The following NLGN1 variants were observed in gnomAD, a reference collection of about 807,000 sequenced individuals.
NLGN1 encodes the protein neuroligin-1.
NLGN1 carries 12 observed loss-of-function variants against 65.5 expected under a neutral mutation model. The observed-to-expected ratio is 0.18, with a 90% CI of 0.12 to 0.30. The LOEUF is 0.30. Among genes scored for constraint, NLGN1 ranks in the 10% least tolerant of loss-of-function variants. NLGN1 has a pLI of 1.00. For synonymous variants in NLGN1, 350 were observed against 359.5 expected (o/e 0.97, Z 0.30); for missense variants, 750 against 1,007.1 (o/e 0.74, Z 3.46).
intron 4 of NLGN1, among the ~76,000 whole-genome samples, chr3:174,258,923 G>A (rs1746312927): frequency 6.6e-6 from 1 of 152,004 alleles, no homozygotes; most frequent in African/African-American, 2.4e-5. Context: ...TTGAAGATAT[G>A]GTTGAAGTTT....
At chr3:173,901,160 T>C (rs996256802) in intron 4 of NLGN1, among the ~76,000 whole-genome samples, 3 of 151,976 alleles carry the variant, frequency 2.0e-5, no homozygotes, top group African/African-American at 7.2e-5. Flanking sequence ...AAAAATCCCT[T>C]TACTAGTGTT....
chr3:173,761,428 AG>A (rs1777951769), intron 3 of NLGN1, among the ~76,000 whole-genome samples: 1 of 152,040 alleles, frequency 6.6e-6, no homozygotes, highest in South Asian at 2.1e-4. Context: ...GATGGGTAAG[AG>A]GTAGGGGAGC....
At chr3:174,061,116 G>A (rs1055052917) in intron 4 of NLGN1, among the ~76,000 whole-genome samples, 1 of 151,910 alleles carries the variant, frequency 6.6e-6, no homozygotes, top group Non-Finnish European at 1.5e-5. Context: ...CTGTGACCTT[G>A]GTGTTGTGTG....
At chr3:173,612,311 G>A (rs528679127) in intron 3 of NLGN1, among the ~76,000 whole-genome samples, 20 of 152,068 alleles carry the variant, frequency 1.3e-4, no homozygotes, top group Non-Finnish European at 2.8e-4. Context: ...AACACTTCTT[G>A]TATAAGTTGC....
At chr3:174,099,439 A>G (rs190202758) in intron 4 of NLGN1, among the ~76,000 whole-genome samples, 14 of 152,280 alleles carry the variant, frequency 9.2e-5, no homozygotes, top group African/African-American at 2.6e-4. Flanking sequence ...TTGATATTGC[A>G]TTTTTAACAA....
intron 4 of NLGN1, among the ~76,000 whole-genome samples, chr3:174,183,192 A>G (rs1393507551): frequency 6.6e-6 from 1 of 152,042 alleles, no homozygotes; most frequent in East Asian, 1.9e-4. Flanking sequence ...CAGTGCATCC[A>G]TTCTTACTGG....
rs528649110 is a variant in NLGN1 at position 174,179,486 on chromosome 3, G to C, written c.647-95829G>C. 2.2e-4 allele frequency among the ~76,000 whole-genome samples: 34 copies of C among 152,066 alleles called. No homozygotes were observed. The East Asian group carries it at 6.0e-3, about 27-fold the overall frequency. ...ACATAGCTGAGGTCAAATATCAAGC[G>C]GATTTTTTTTGTCTCCCAGACTGAG... is the stretch of plus-strand genomic sequence containing the variant. On this transcript the variant is annotated intron_variant, in intron 4 of 6. Coordinates refer to ENST00000457714, the Ensembl canonical transcript of NLGN1.
chr3:173,895,689 C>A lies in NLGN1; in HGVS notation c.646+87857C>A, dbSNP rs551189548. Among the ~76,000 whole-genome samples, 4 of 151,576 alleles carry A rather than the reference C, an allele frequency of 2.6e-5. No individual in the cohort carries two copies. The South Asian group carries it at 8.3e-4, about 32-fold the overall frequency. On this transcript the variant is annotated intron_variant, in intron 4 of 6. Coordinates refer to ENST00000457714, the Ensembl canonical transcript of NLGN1. ...GGAAAACTTGGCAGCTTCCAAGGAC[C>A]CTTTTTTTTTTCTTTTTTGAGACAA...
At chr3:173,698,294 C>T (rs543118286) in intron 3 of NLGN1, among the ~76,000 whole-genome samples, 4 of 152,242 alleles carry the variant, frequency 2.6e-5, no homozygotes, top group African/African-American at 7.2e-5. Flanking sequence ...CATCACGTTG[C>T]AATACTGAAT....
In NLGN1 at chr3:173,913,612, G is replaced by A. The variant is rs116713906; in HGVS notation, c.646+105780G>A. On this transcript the variant is annotated intron_variant, in intron 4 of 6. Coordinates refer to ENST00000457714, the Ensembl canonical transcript of NLGN1. ...CATGCTTTCCTCTCTCAACATCCCA[G>A]CTAAACTGGCTAGTGTCCAGGTACT... 3.3e-3 allele frequency among the ~76,000 whole-genome samples: 508 copies of A among 152,208 alleles called. 1 individual carries two copies. Among genetic ancestry groups the A allele is most frequent in the African/African-American group, 0.012 (482 of 41,548 alleles).
intron 4 of NLGN1, among the ~76,000 whole-genome samples, chr3:173,809,209 TG>T (rs1717357176): frequency 6.6e-6 from 1 of 152,274 alleles, no homozygotes; most frequent in African/African-American, 2.4e-5. Context: ...TTCTGTGGGC[TG>T]GGATGAGTGT....
intron 3 of NLGN1, among the ~76,000 whole-genome samples, chr3:173,735,651 C>T (rs1028351174): frequency 1.3e-5 from 2 of 151,806 alleles, no homozygotes; most frequent in African/African-American, 4.9e-5. Context: ...GGAGCAGAGT[C>T]CCTTTGGGGA....
intron 2 of NLGN1, among the ~76,000 whole-genome samples, chr3:173,447,981 C>T (rs368387145): frequency 2.0e-5 from 3 of 152,092 alleles, no homozygotes; most frequent in East Asian, 3.8e-4. Context: ...TGGGGTTTTC[C>T]AGATATACAA....
intron 3 of NLGN1, among the ~76,000 whole-genome samples, chr3:173,723,258 G>A (rs911358711): frequency 6.6e-6 from 1 of 152,170 alleles, no homozygotes; most frequent in Non-Finnish European, 1.5e-5. Flanking sequence ...TTTACTGCAT[G>A]TTATCAAATT....
At chr3:174,107,419 T>A (rs535924849) in intron 4 of NLGN1, among the ~76,000 whole-genome samples, 2 of 152,168 alleles carry the variant, frequency 1.3e-5, no homozygotes, top group African/African-American at 4.8e-5. Flanking sequence ...CATTTTTCCC[T>A]TAGTATATTT....
intron 3 of NLGN1, among the ~76,000 whole-genome samples, chr3:173,733,298 GT>G (rs1474317850): frequency 6.6e-6 from 1 of 152,044 alleles, no homozygotes; most frequent in Non-Finnish European, 1.5e-5. Context: ...TTCAGGAATG[GT>G]TGTTCTTATT....
intron 4 of NLGN1, among the ~76,000 whole-genome samples, chr3:174,094,102 AG>A (rs1745016671): frequency 6.6e-6 from 1 of 152,210 alleles, no homozygotes; most frequent in Non-Finnish European, 1.5e-5. Context: ...CTAGATTTAA[AG>A]AATTAGTGAG....
At chr3:174,094,272 T>A (rs2152566984) in intron 4 of NLGN1, among the ~76,000 whole-genome samples, 1 of 152,304 alleles carries the variant, frequency 6.6e-6, no homozygotes, top group Non-Finnish European at 1.5e-5. Context: ...GAAAAAATAA[T>A]TTCTACCTTT....
intron 4 of NLGN1, among the ~76,000 whole-genome samples, chr3:173,904,320 C>T (rs748322173): frequency 3.3e-5 from 5 of 152,198 alleles, no homozygotes; most frequent in African/African-American, 1.2e-4. Flanking sequence ...GGGCTAGTTA[C>T]ATTTAAGGCA....
Sources: allele counts gnomAD v4.1 joint callset (sites outside exome capture counted in the v4.1 genomes callset), GRCh38; gene constraint gnomAD v4.1.1; transcripts MANE v1.5; gene names NCBI Gene and HGNC (gene_info 2026-07-23, HGNC 2026-07-21).